The following DNAH7 variants were observed in gnomAD, a reference collection of about 807,000 sequenced individuals.
The protein encoded by DNAH7 is dynein axonemal heavy chain 7, also known as axonemal beta dynein heavy chain 7.
A neutral mutation model predicts 444.6 loss-of-function variants in DNAH7; 397 were observed. The observed-to-expected ratio is 0.89, with a 90% CI of 0.82 to 0.97. The LOEUF (loss-of-function observed/expected upper bound fraction) is 0.97, where lower values mean the gene tolerates loss of function less well. Ranked by LOEUF, DNAH7 falls within the 50% of genes least tolerant of loss-of-function variation. The probability of loss-of-function intolerance (pLI) is 0.00; values close to 1 mark genes in which losing one functional copy is unlikely to be tolerated. For missense variants in DNAH7, 4,902 were observed against 4,800.8 expected, an observed-to-expected ratio of 1.02 and a Z score of -0.62; for synonymous variants, 1,636 against 1,624.4, an observed-to-expected ratio of 1.01 and a Z score of -0.17.
At chr2:195,822,231 C>A (rs542966539) in intron 49 of DNAH7, among the ~76,000 whole-genome samples, 1 of 152,152 alleles carries the variant, frequency 6.6e-6, no homozygotes. Context: ...AGTCCACAGG[C>A]TACATTTGCT....
chr2:196,049,928 A>AT (rs1300897479), intron 3 of DNAH7, among the ~76,000 whole-genome samples: 2 of 152,180 alleles, frequency 1.3e-5, no homozygotes, highest in East Asian at 3.8e-4. Context: ...ATTAAGAGGG[A>AT]TTTTGCAGAA....
intron 15 of DNAH7, among the ~76,000 whole-genome samples, chr2:195,976,765 GAGA>G (rs1692227927): frequency 1.3e-5 from 2 of 150,566 alleles, no homozygotes; most frequent in Non-Finnish European, 3.0e-5. Flanking sequence ...GAGAGAGAGA[GAGA>G]GAGAGAGAGA....
At chr2:195,840,156 T>C (rs1354436372) in intron 47 of DNAH7, among the ~76,000 whole-genome samples, 1 of 151,666 alleles carries the variant, frequency 6.6e-6, no homozygotes, top group Non-Finnish European at 1.5e-5. Flanking sequence ...AGAGAATACA[T>C]TATGACCAAG....
intron 3 of DNAH7, 64 bp downstream of exon 3, chr2:196,051,123 T>C: frequency 1.4e-6 from 2 of 1,455,694 alleles, no homozygotes; most frequent in East Asian, 2.3e-5. Flanking sequence ...ATTTTCAAGT[T>C]AGAAAACTAA....
intron 5 of DNAH7, among the ~76,000 whole-genome samples, chr2:196,035,754 A>T (rs1425106787): frequency 6.6e-6 from 1 of 152,176 alleles, no homozygotes. Context: ...ATTGCAGGAA[A>T]AATGTAAGTG....
chr2:195,874,976 C>T (rs1035244759), intron 38 of DNAH7, among the ~76,000 whole-genome samples: 5 of 152,090 alleles, frequency 3.3e-5, no homozygotes, highest in South Asian at 2.1e-4. Flanking sequence ...ACACAAGCAA[C>T]ATTTTAAAAA....
In DNAH7 at chr2:195,994,786, A is replaced by T. The variant is rs1405932578; in HGVS notation, c.1353+5918T>A. On this transcript the variant is annotated intron_variant, in intron 12 of 64. Coordinates refer to ENST00000312428, the MANE Select transcript of DNAH7 (RefSeq NM_018897.3). ...CCTTTGATTCTCTGAATCTGCGGTT[A>T]ATAGTTTGAGGTCCAGGGTATAGCT... 7 of 468,946 alleles carry T rather than the reference A, an allele frequency of 1.5e-5. No individual in the cohort carries two copies. The Admixed American group carries it at 1.9e-4, about 13-fold the overall frequency. 29.0% of individuals were successfully genotyped at this position (468,946 alleles called of 1,614,324 possible). A position where few individuals can be genotyped will look rare whatever the true frequency, so the allele number is the denominator to read the frequency against.
intron 1 of DNAH7, among the ~76,000 whole-genome samples, chr2:196,066,196 G>A (rs976150261): frequency 2.6e-5 from 4 of 152,306 alleles, no homozygotes; most frequent in African/African-American, 7.2e-5. Context: ...CTGATCAAAT[G>A]ACTAGAATCT....
At chr2:195,968,620 C>T (rs1381911815) in intron 17 of DNAH7, among the ~76,000 whole-genome samples, 1 of 152,132 alleles carries the variant, frequency 6.6e-6, no homozygotes, top group Non-Finnish European at 1.5e-5. Context: ...TCCTCAGCCA[C>T]CCTGCATGGT....
In DNAH7 at chr2:196,055,036, C is replaced by T. The variant is rs1023447580; in HGVS notation, c.78+3018G>A. On this transcript the variant is annotated intron_variant, in intron 2 of 64. Transcript: ENST00000312428. ...ACAATGGGAAAACTGACTTTAAAGT[C>T]ATTTTAGCTTTATCTTAGAAAATCA... Among the ~76,000 whole-genome samples, 66 of 152,286 alleles carry T rather than the reference C, an allele frequency of 4.3e-4. 1 individual carries two copies. The highest frequency in any genetic ancestry group is 1.5e-3 in the African/African-American group (64 of 41,554).
chr2:195,738,863 C>T (rs779360806), intron 64 of DNAH7, among the ~76,000 whole-genome samples: 73 of 152,176 alleles, frequency 4.8e-4, no homozygotes, highest in Non-Finnish European at 7.3e-4. Context: ...TCAGACCCCT[C>T]TTTTAGGTTT....
At chr2:196,003,322 G>T (rs576688344) in intron 10 of DNAH7, among the ~76,000 whole-genome samples, 20 of 152,246 alleles carry the variant, frequency 1.3e-4, no homozygotes, top group Middle Eastern at 6.8e-3. Context: ...AAATACACAG[G>T]GGAAGGTCCA....
intron 54 of DNAH7, among the ~76,000 whole-genome samples, chr2:195,805,053 C>T (rs1696645105): frequency 6.6e-6 from 1 of 152,048 alleles, no homozygotes; most frequent in Admixed American, 6.6e-5. Context: ...ATGTAACTTC[C>T]CACCTCCCTC....
At position 195,926,493 on chromosome 2, in the gene DNAH7, G is replaced by C; in HGVS notation, c.3545C>G (p.Thr1182Ser). 4 of 1,607,058 alleles carry C rather than the reference G, an allele frequency of 2.5e-6. No homozygotes were observed. The highest frequency in any genetic ancestry group is 2.5e-6 in the Non-Finnish European group (3 of 1,177,166). ...AAAGATTTGGGATACACAGAGAACA[G>C]TCTGTCCAGGCCAATCCCTTACCCA... ...INWVRDWPGQ[T>S]VLCVSQIFWT... The change falls in exon 22 of 65, where the codon ACT (threonine) becomes AGT (serine). Residue 1182 changes from threonine (T) to serine (S), a missense_variant. Physicochemically the swap from Thr to Ser is moderately conservative, Grantham distance 58. Coordinates refer to ENST00000312428, the MANE Select transcript of DNAH7 (RefSeq NM_018897.3).
At chr2:195,913,490 C>A (rs1687481451) in intron 24 of DNAH7, among the ~76,000 whole-genome samples, 1 of 151,922 alleles carries the variant, frequency 6.6e-6, no homozygotes. Context: ...CAAAGCAAAA[C>A]AAAATAAAAT....
intron 10 of DNAH7, among the ~76,000 whole-genome samples, chr2:196,008,286 A>C (rs1157844950): frequency 6.6e-6 from 1 of 151,982 alleles, no homozygotes; most frequent in Non-Finnish European, 1.5e-5. Flanking sequence ...GACAATAACA[A>C]GTGCTGGAAA....
At chr2:196,023,319 T>C (rs1368158042) in intron 8 of DNAH7, among the ~76,000 whole-genome samples, 1 of 152,152 alleles carries the variant, frequency 6.6e-6, no homozygotes, top group African/African-American at 2.4e-5. Context: ...GCCAGCAACA[T>C]ACTTCCTATA....
chr2:196,028,038 A>C lies in DNAH7; in HGVS notation c.408T>G (p.Asp136Glu), dbSNP rs777485608. 6.2e-7 allele frequency: 1 copy of C among 1,606,794 alleles called. No homozygotes were observed. The highest frequency in any genetic ancestry group is 2.3e-5 in the East Asian group (1 of 44,278). The part of the protein sequence containing the change: ...STLVNVIMQQ[D>E]ADLDSAVPDG... ...CAGGGACAGCTGAGTCTAAGTCAGC[A>C]TCTTGTTGCCTAAGAAAATGATAAA... Residue 136 changes from aspartate (D) to glutamate (E), a missense_variant, in exon 6 of 65, where the codon GAT becomes GAG. Coordinates refer to ENST00000312428, the MANE Select transcript of DNAH7 (RefSeq NM_018897.3).
At chr2:195,985,255 T>C (rs755716442) in intron 14 of DNAH7, among the ~76,000 whole-genome samples, 109 of 152,234 alleles carry the variant, frequency 7.2e-4, no homozygotes, top group Non-Finnish European at 1.1e-3. Context: ...ATGAAACGAA[T>C]AGAACAATTC....
Sources: allele counts gnomAD v4.1 joint callset (sites outside exome capture counted in the v4.1 genomes callset), GRCh38; gene constraint gnomAD v4.1.1; transcripts MANE v1.5; gene names NCBI Gene and HGNC (gene_info 2026-07-23, HGNC 2026-07-21).